The following MYO9A variants were observed in gnomAD, a reference collection of about 807,000 sequenced individuals.
MYO9A encodes unconventional myosin-IXa.
MYO9A carries 103 observed loss-of-function variants against 293.3 expected under a neutral mutation model. That is an observed-to-expected ratio of 0.35 (90% confidence interval 0.30 to 0.41). The LOEUF (loss-of-function observed/expected upper bound fraction) is 0.41. MYO9A is among the 10% of genes least tolerant of loss of function. The pLI is 1.00. For missense variants in MYO9A, 2,685 were observed against 3,033.0 expected (o/e 0.89, Z 2.69); for synonymous variants, 1,001 against 1,035.7 (o/e 0.97, Z 0.64).
intron 15 of MYO9A, among the ~76,000 whole-genome samples, chr15:71,941,381 G>A (rs1472139905): frequency 6.6e-6 from 1 of 152,170 alleles, no homozygotes; most frequent in Admixed American, 6.5e-5. Context: ...GTTGCAGTGA[G>A]CCAAGATCGC....
At chr15:72,043,859 A>G (rs1377105372) in intron 2 of MYO9A, among the ~76,000 whole-genome samples, 3 of 152,100 alleles carry the variant, frequency 2.0e-5, no homozygotes, top group Admixed American at 6.5e-5. Flanking sequence ...TACCTACAAA[A>G]TATCTTTTAA....
rs140371698 is a variant in MYO9A at position 71,899,734 on chromosome 15, T to A, written c.3423A>T (p.Lys1141Asn). The change falls in exon 24 of 42, where the codon AAA (lysine) becomes AAT (asparagine). Residue 1141 changes from lysine to asparagine, a missense_variant. Lys to Asn is a moderately conservative substitution (Grantham distance 94). Coordinates refer to ENST00000356056, the MANE Select transcript of MYO9A (RefSeq NM_006901.4). ...ESKRYQEQRK[K>N]IILLQSTCRG... is the part of the protein sequence containing the mutation. ...TACATGTTGATTGCAAAAGGATAAT[T>A]TTTTTCCTTTGTTCTTGGTACCTTT... 3.1e-6 allele frequency: 5 copies of A among 1,613,934 alleles called. No homozygotes were observed. In the African/African-American group the frequency reaches 5.3e-5, roughly 17 times the overall value.
In MYO9A at chr15:72,093,630, T is replaced by C. The variant is rs933891926; in HGVS notation, c.-72+24050A>G. Among the ~76,000 whole-genome samples the C allele has an allele frequency of 5.1e-4, 76 of 149,572 alleles. 1 individual carries two copies. Among genetic ancestry groups the C allele is most frequent in the African/African-American group, 1.8e-3 (76 of 41,308 alleles). The stretch of plus-strand genomic sequence containing the variant: ...GGCCAGGCACAGTGGCTCAAGCCTG[T>C]AATCCCAACATTTTGGGAGGCTGAG... On this transcript the variant is annotated intron_variant, in intron 1 of 41. Transcript: ENST00000356056.
chr15:71,960,203 G>A, intron 13 of MYO9A, 107 bp from the exon 14 acceptor site: 1 of 953,420 alleles, frequency 1.0e-6, no homozygotes, highest in South Asian at 1.6e-5. Context: ...ACCTCATATT[G>A]AAATGTGATT....
At chr15:72,078,203 T>C (rs2079430995) in intron 1 of MYO9A, among the ~76,000 whole-genome samples, 1 of 152,132 alleles carries the variant, frequency 6.6e-6, no homozygotes. Context: ...AAAATTCACT[T>C]CACTACAGGG....
At chr15:71,840,280 G>A (rs865922798) in intron 39 of MYO9A, among the ~76,000 whole-genome samples, 3 of 152,232 alleles carry the variant, frequency 2.0e-5, no homozygotes. Flanking sequence ...TCCATTGGAT[G>A]TGGAGTCCTT....
At chr15:71,981,555 G>A (rs1287785405) in intron 11 of MYO9A, among the ~76,000 whole-genome samples, 1 of 152,132 alleles carries the variant, frequency 6.6e-6, no homozygotes, top group Non-Finnish European at 1.5e-5. Flanking sequence ...GTTATTCAGT[G>A]TGTCTATCTT....
At chr15:71,947,656 C>G (rs1256122443) in intron 15 of MYO9A, among the ~76,000 whole-genome samples, 21 of 152,270 alleles carry the variant, frequency 1.4e-4, no homozygotes, top group Admixed American at 1.3e-3. Context: ...TTTCAATCAT[C>G]TGAATGACCA....
At chr15:71,919,982 A>G (rs954910539) in intron 18 of MYO9A, among the ~76,000 whole-genome samples, 9 of 152,204 alleles carry the variant, frequency 5.9e-5, no homozygotes, top group African/African-American at 1.7e-4. Flanking sequence ...ACTAAAGGTC[A>G]GACTCTGTTG....
chr15:71,926,584 A>G (rs112710657), intron 18 of MYO9A, among the ~76,000 whole-genome samples: 1 of 152,108 alleles, frequency 6.6e-6, no homozygotes, highest in Non-Finnish European at 1.5e-5. Context: ...GTACATGCCT[A>G]TATTTCCAGC....
intron 1 of MYO9A, among the ~76,000 whole-genome samples, chr15:72,051,899 T>G (rs145730887): frequency 9.2e-5 from 14 of 152,240 alleles, no homozygotes; most frequent in Admixed American, 3.9e-4. Flanking sequence ...AAACCCCACC[T>G]TCAAGCCAGG....
Position 72,066,236 on chromosome 15 carries a change from C to T in MYO9A, c.-71-19602G>A, listed in dbSNP as rs1027450463. Among the ~76,000 whole-genome samples the T allele has an allele frequency of 3.9e-5, 6 of 152,114 alleles. 1 individual carries two copies. Among genetic ancestry groups the T allele is most frequent in the Admixed American group, 3.9e-4 (6 of 15,268 alleles). On this transcript the variant is annotated intron_variant, in intron 1 of 41. Transcript: ENST00000356056. ...AAGTGTGGTGGCTCACGCCTGTAATCCCAGCACTTTGTGAGGCCAAAGCGG... is the reference window on the plus strand; with the variant it reads ...AAGTGTGGTGGCTCACGCCTGTAATTCCAGCACTTTGTGAGGCCAAAGCGG...
intron 1 of MYO9A, among the ~76,000 whole-genome samples, chr15:72,081,708 T>C (rs559615017): frequency 1.3e-5 from 2 of 152,300 alleles, no homozygotes; most frequent in East Asian, 3.9e-4. Flanking sequence ...CCATCTTGAG[T>C]TAATTTTTGT....
At chr15:71,827,802 A>C (rs1297844386) in intron 41 of MYO9A, 82 bp downstream of exon 41, 3 of 1,442,272 alleles carry the variant, frequency 2.1e-6, no homozygotes, top group African/African-American at 2.9e-5. Flanking sequence ...TAAATTCTTA[A>C]AAGACTTTGT....
rs920921182 is a variant in MYO9A, at chr15:71,825,878, C to CTGAT, written c.*698_*701dup. 64 of 152,132 alleles carry CTGAT rather than the reference C, an allele frequency of 4.2e-4. No homozygotes were observed. Among genetic ancestry groups the CTGAT allele is most frequent in the African/African-American group, 1.5e-3 (64 of 41,508 alleles). 9.4% of individuals were successfully genotyped at this position (152,132 alleles called of 1,614,324 possible). The stretch of plus-strand genomic sequence containing the variant: ...GAACTAAACAGGAGTTAAACCAGCA[C>CTGAT]TGATTACTATGACATCAAACATCAT... On this transcript the variant is annotated 3_prime_UTR_variant, in exon 42 of 42. Transcript: ENST00000356056.
chr15:72,099,212 A>G (rs2080172544), intron 1 of MYO9A, among the ~76,000 whole-genome samples: 1 of 151,838 alleles, frequency 6.6e-6, no homozygotes, highest in African/African-American at 2.4e-5. Flanking sequence ...GCTGAGGCAG[A>G]CAGATCAACT....
At chr15:72,084,593 T>C (rs1199167246) in intron 1 of MYO9A, among the ~76,000 whole-genome samples, 1 of 152,228 alleles carries the variant, frequency 6.6e-6, no homozygotes, top group South Asian at 2.1e-4. Flanking sequence ...TGTGTTTGTG[T>C]AGTGGCTGCT....
At chr15:72,021,914 T>G (rs2077512744) in intron 4 of MYO9A, among the ~76,000 whole-genome samples, 2 of 152,262 alleles carry the variant, frequency 1.3e-5, no homozygotes, top group East Asian at 1.9e-4. Flanking sequence ...AAATAAAGGC[T>G]AAGGTAGATT....
chr15:72,106,666 TCA>T (rs2080580681), intron 1 of MYO9A, among the ~76,000 whole-genome samples: 1 of 152,062 alleles, frequency 6.6e-6, no homozygotes, highest in African/African-American at 2.4e-5. Flanking sequence ...AGCAGCGCAA[TCA>T]CAGGTCACTG....
Sources: allele counts gnomAD v4.1 joint callset (sites outside exome capture counted in the v4.1 genomes callset), GRCh38; gene constraint gnomAD v4.1.1; transcripts MANE v1.5; gene names NCBI Gene and HGNC (gene_info 2026-07-23, HGNC 2026-07-21).